Variants in SKAP1 observed in about 807,000 individuals in gnomAD.
The protein encoded by SKAP1 is src kinase associated phosphoprotein 1, also known as src kinase-associated phosphoprotein 1.
In SKAP1, 44 loss-of-function variants were observed where a neutral mutation model predicts 58.5. The ratio of observed to expected loss-of-function variants is 0.75; its 90% CI spans 0.59 to 0.97. The LOEUF is 0.97. Among genes scored for constraint, SKAP1 ranks in the 50% least tolerant of loss-of-function variants. SKAP1 has a pLI of 0.00. For missense variants in SKAP1, 390 were observed against 435.2 expected (o/e 0.90, Z 0.92); for synonymous variants, 127 against 149.7 (o/e 0.85, Z 1.11).
intron 4 of SKAP1, among the ~76,000 whole-genome samples, chr17:48,315,286 T>C (rs1247381668): frequency 1.3e-5 from 2 of 152,180 alleles, no homozygotes; most frequent in African/African-American, 4.8e-5. Flanking sequence ...TGCTCTGAAA[T>C]GATCCTCTAC....
chr17:48,207,894 T>G (rs1366181670), intron 4 of SKAP1, among the ~76,000 whole-genome samples: 1 of 152,252 alleles, frequency 6.6e-6, no homozygotes, highest in Non-Finnish European at 1.5e-5. Context: ...TGGGAGGTTT[T>G]GTGCCAGAGA....
At chr17:48,154,474 T>C (rs939262318) in intron 11 of SKAP1, among the ~76,000 whole-genome samples, 3 of 152,186 alleles carry the variant, frequency 2.0e-5, no homozygotes, top group Admixed American at 6.5e-5. Flanking sequence ...ATAAATCTTA[T>C]GCGTACCCAA....
intron 1 of SKAP1, among the ~76,000 whole-genome samples, chr17:48,421,332 G>A (rs1485260072): frequency 9.1e-6 from 1 of 109,432 alleles, no homozygotes; most frequent in Non-Finnish European, 1.8e-5. Flanking sequence ...GACGAATTTT[G>A]CTCTGTCACC....
At chr17:48,410,649 G>C (rs1469634926) in intron 1 of SKAP1, among the ~76,000 whole-genome samples, 2 of 152,006 alleles carry the variant, frequency 1.3e-5, no homozygotes, top group Admixed American at 6.6e-5. Flanking sequence ...GCAGGAGGTC[G>C]GGCGTAGTGG....
intron 2 of SKAP1, among the ~76,000 whole-genome samples, chr17:48,387,026 C>G (rs2067286771): frequency 6.6e-6 from 1 of 152,186 alleles, no homozygotes; most frequent in Non-Finnish European, 1.5e-5. Context: ...ATTTTAGGAT[C>G]AGCAAACATA....
At chr17:48,428,772 T>C (rs1267071625) in intron 1 of SKAP1, among the ~76,000 whole-genome samples, 1 of 152,180 alleles carries the variant, frequency 6.6e-6, no homozygotes, top group East Asian at 1.9e-4. Context: ...AAGCCTAATA[T>C]TAAACCAACA....
intron 2 of SKAP1, among the ~76,000 whole-genome samples, chr17:48,389,498 G>A (rs1479935143): frequency 6.6e-6 from 1 of 152,198 alleles, no homozygotes; most frequent in African/African-American, 2.4e-5. Flanking sequence ...TTGCCAAGGA[G>A]GCAATGACAT....
chr17:48,151,720 G>A (rs534443567), intron 11 of SKAP1, among the ~76,000 whole-genome samples: 7 of 152,108 alleles, frequency 4.6e-5, no homozygotes, highest in Non-Finnish European at 8.8e-5. Context: ...AGTTCACAAT[G>A]CTCCATGTAA....
intron 1 of SKAP1, among the ~76,000 whole-genome samples, chr17:48,410,814 C>A (rs1598672128): frequency 6.6e-6 from 1 of 150,862 alleles, no homozygotes; most frequent in Non-Finnish European, 1.5e-5. Flanking sequence ...GTAATCCCAG[C>A]TACTTGGGAG....
At position 48,335,284 on chromosome 17, in the gene SKAP1, G is replaced by GAAACA. The variant is rs540596684; in HGVS notation, c.280+10616_280+10620dup. The stretch of plus-strand genomic sequence containing the variant: ...CATTACTCAAGTTTCTGAATAGCCT[G>GAAACA]AAACAAAACAAAACAAAACAAACTA... On this transcript the variant is annotated intron_variant, in intron 4 of 12. Transcript: ENST00000336915. Among the ~76,000 whole-genome samples, 49 of 151,950 alleles carry GAAACA rather than the reference G, an allele frequency of 3.2e-4. No individual in the cohort carries two copies. The East Asian group carries it at 7.5e-3, about 23-fold the overall frequency.
intron 4 of SKAP1, among the ~76,000 whole-genome samples, chr17:48,322,456 T>G (rs912880976): frequency 6.6e-6 from 1 of 152,190 alleles, no homozygotes; most frequent in African/African-American, 2.4e-5. Context: ...ACACTCAAGG[T>G]ATAACGGAAA....
At chr17:48,208,033 A>T (rs1401375201) in intron 4 of SKAP1, among the ~76,000 whole-genome samples, 1 of 152,236 alleles carries the variant, frequency 6.6e-6, no homozygotes, top group Non-Finnish European at 1.5e-5. Context: ...GTTGTCTTGC[A>T]TTTATGTTAA....
At chr17:48,298,629 A>G (rs1367267277) in intron 4 of SKAP1, among the ~76,000 whole-genome samples, 1 of 152,210 alleles carries the variant, frequency 6.6e-6, no homozygotes, top group African/African-American at 2.4e-5. Context: ...GCTTCAAGAC[A>G]CTATGTTTTG....
At chr17:48,346,660 T>A (rs2066728149) in intron 3 of SKAP1, among the ~76,000 whole-genome samples, 1 of 152,066 alleles carries the variant, frequency 6.6e-6, no homozygotes, top group African/African-American at 2.4e-5. Context: ...TCATATATAC[T>A]ATGTCTCCAA....
At chr17:48,178,539 G>A (rs773099081) in intron 9 of SKAP1, among the ~76,000 whole-genome samples, 26 of 152,208 alleles carry the variant, frequency 1.7e-4, no homozygotes, top group African/African-American at 5.3e-4. Flanking sequence ...AAGATTCTCA[G>A]AGGAGCTGTG....
chr17:48,232,053 C>T (rs2099123864), intron 4 of SKAP1, among the ~76,000 whole-genome samples: 1 of 152,218 alleles, frequency 6.6e-6, no homozygotes, highest in African/African-American at 2.4e-5. Flanking sequence ...TCCTTCTTAA[C>T]CCCCTTTTCT....
At chr17:48,137,881 T>C (rs2063720951) in intron 11 of SKAP1, among the ~76,000 whole-genome samples, 1 of 152,222 alleles carries the variant, frequency 6.6e-6, no homozygotes, top group Admixed American at 6.5e-5. Flanking sequence ...TGACCTTAGG[T>C]TCTCCTAGCT....
At chr17:48,214,194 T>A (rs998344862) in intron 4 of SKAP1, among the ~76,000 whole-genome samples, 18 of 152,204 alleles carry the variant, frequency 1.2e-4, no homozygotes, top group African/African-American at 4.1e-4. Context: ...TGATGGCTTG[T>A]CCTCTTCAAC....
rs1284176754 is a variant in SKAP1 at position 48,161,536 on chromosome 17, C to A, written c.978+933G>T. ...CATGAGTTCTGAATCTTCTTCACAT[C>A]AGTGATTGATCTGTAATAATCCATC... On this transcript the variant is annotated intron_variant, in intron 11 of 12. Transcript: ENST00000336915. Among the ~76,000 whole-genome samples the A allele has an allele frequency of 7.2e-5, 11 of 152,358 alleles. No individual in the cohort carries two copies. In the South Asian group the frequency reaches 1.7e-3, roughly 23 times the overall value.
Sources: allele counts gnomAD v4.1 joint callset (sites outside exome capture counted in the v4.1 genomes callset), GRCh38; gene constraint gnomAD v4.1.1; transcripts MANE v1.5; gene names NCBI Gene and HGNC (gene_info 2026-07-23, HGNC 2026-07-21).